The following RBFOX1 variants were observed in gnomAD, a reference collection of about 807,000 sequenced individuals.
The protein encoded by RBFOX1 is RNA binding fox-1 homolog 1.
In RBFOX1, 8 loss-of-function variants were observed where a neutral mutation model predicts 57.7. That is an observed-to-expected ratio of 0.14 (90% CI 0.08 to 0.25). RBFOX1 has a LOEUF of 0.25. Among genes scored for constraint, RBFOX1 ranks in the 10% least tolerant of loss-of-function variants. The pLI is 1.00. For synonymous variants in RBFOX1, 326 were observed against 222.4 expected (o/e 1.47, Z -4.15); for missense variants, 611 against 548.5 (o/e 1.11, Z -1.14).
chr16:6,231,348 A>C (rs2097458757), intron 1 of RBFOX1, among the ~76,000 whole-genome samples: 1 of 151,898 alleles, frequency 6.6e-6, no homozygotes, highest in African/African-American at 2.4e-5. Flanking sequence ...TCCGTGTTTA[A>C]ATTCAGTGAT....
chr16:7,307,403 G>C (rs1404498739), intron 4 of RBFOX1, among the ~76,000 whole-genome samples: 1 of 152,164 alleles, frequency 6.6e-6, no homozygotes, highest in Non-Finnish European at 1.5e-5. Context: ...CTCAGCATCG[G>C]AGTCTACTCT....
intron 4 of RBFOX1, among the ~76,000 whole-genome samples, chr16:7,339,238 A>G (rs1158091602): frequency 4.6e-5 from 7 of 152,188 alleles, no homozygotes; most frequent in Non-Finnish European, 1.0e-4. Context: ...AGTGTGATTC[A>G]TCATGTGTTT....
chr16:5,314,829 G>GAA lies in RBFOX1; in HGVS notation c.219+74738_219+74739dup, dbSNP rs35632580. On this transcript the variant is annotated intron_variant, in intron 1 of 2. Transcript: ENST00000585867. The stretch of plus-strand genomic sequence containing the variant: ...TTTCTTTTAAAACCAGAAGATATTG[G>GAA]AAAAAAAAAAAAAAAGAACTTTCAG... 7.0e-3 allele frequency among the ~76,000 whole-genome samples: 979 copies of GAA among 139,382 alleles called. 7 individuals are homozygous for GAA. Among genetic ancestry groups the GAA allele is most frequent in the African/African-American group, 0.022 (801 of 36,344 alleles). 91.4% of individuals were successfully genotyped at this position (139,382 alleles called of 152,430 possible).
At chr16:5,914,331 G>A (rs2058663912) in intron 4 of RBFOX1, among the ~76,000 whole-genome samples, 1 of 152,218 alleles carries the variant, frequency 6.6e-6, no homozygotes, top group Non-Finnish European at 1.5e-5. Context: ...TTAGGAAGTA[G>A]CTTGGCTGGG....
At chr16:6,639,048 C>G (rs895920733) in intron 2 of RBFOX1, among the ~76,000 whole-genome samples, 7 of 152,196 alleles carry the variant, frequency 4.6e-5, no homozygotes, top group East Asian at 1.9e-4. Flanking sequence ...CCCCACCCAG[C>G]CACCTACAAA....
intron 4 of RBFOX1, among the ~76,000 whole-genome samples, chr16:7,212,138 C>T (rs971076498): frequency 1.3e-5 from 2 of 152,150 alleles, no homozygotes; most frequent in Non-Finnish European, 2.9e-5. Context: ...GGATAGGATT[C>T]ATTGGCATGA....
chr16:7,418,080 C>G (rs967652306), intron 4 of RBFOX1, among the ~76,000 whole-genome samples: 10 of 152,156 alleles, frequency 6.6e-5, no homozygotes, highest in Admixed American at 6.5e-4. Context: ...CCCTGTCACT[C>G]TCTGCCCAAC....
chr16:6,767,238 G>T (rs61175573), intron 3 of RBFOX1, among the ~76,000 whole-genome samples: 2,827 of 152,056 alleles, frequency 0.019, 86 homozygotes, highest in African/African-American at 0.064. Flanking sequence ...ACAGGGACTG[G>T]CTCCTAGATG....
At chr16:5,451,094 G>A (rs1474235953) in intron 1 of RBFOX1, among the ~76,000 whole-genome samples, 3 of 152,158 alleles carry the variant, frequency 2.0e-5, no homozygotes, top group Non-Finnish European at 4.4e-5. Flanking sequence ...AATATCCAAC[G>A]GATTGAGTCC....
chr16:7,562,734 G>C (rs188566940), intron 5 of RBFOX1, among the ~76,000 whole-genome samples: 41 of 150,500 alleles, frequency 2.7e-4, no homozygotes, highest in African/African-American at 1.0e-3. Flanking sequence ...TTCCCCAGTG[G>C]GGGAAGGAGG....
chr16:7,653,919 C>A lies in RBFOX1; in HGVS notation c.862C>A (p.Pro288Thr). Residue 288 changes from proline (P) to threonine (T), a missense_variant, in exon 12 of 16, where the codon CCC (proline) becomes ACC (threonine). Pro to Thr is a conservative substitution (Grantham distance 38). Around this residue, in one of 3 missense-constraint regions of RBFOX1, gnomAD observed 267 missense variants for 229.1 expected, o/e 1.17. Transcript: ENST00000550418. ...GTACAACACCTTCAGGGCCGCGGCG[C>A]CCCCGCCCCCGATCCCGGCCTACGG... The part of the protein sequence containing the change: ...TVYNTFRAAA[P>T]PPPIPAYGGV... The A allele has an allele frequency of 6.4e-7, 1 of 1,563,174 alleles. No homozygotes were observed. The highest frequency in any genetic ancestry group is 8.6e-7 in the Non-Finnish European group (1 of 1,161,298).
At chr16:5,865,902 G>C (rs1259020309) in intron 3 of RBFOX1, among the ~76,000 whole-genome samples, 1 of 151,130 alleles carries the variant, frequency 6.6e-6, no homozygotes, top group Admixed American at 6.6e-5. Context: ...TGTGCAGGAG[G>C]AGAGAGAGAG....
rs542615638 is a variant in RBFOX1 at position 7,618,397 on chromosome 16, C to T, written c.676+11059C>T. ...ACTTAGGAGCAGATTATCAACTGTTCAGCAACCCTGCAGATTGGGTTCTTA... is the reference window on the plus strand; with the variant it reads ...ACTTAGGAGCAGATTATCAACTGTTTAGCAACCCTGCAGATTGGGTTCTTA... On this transcript the variant is annotated intron_variant, in intron 10 of 15. Coordinates refer to ENST00000550418, the MANE Select transcript of RBFOX1 (RefSeq NM_018723.4). Among the ~76,000 whole-genome samples the T allele has an allele frequency of 1.1e-4, 17 of 152,238 alleles. No homozygotes were observed. The South Asian group carries it at 2.9e-3, about 26-fold the overall frequency.
At chr16:7,384,748 T>C (rs928027034) in intron 4 of RBFOX1, among the ~76,000 whole-genome samples, 9 of 152,194 alleles carry the variant, frequency 5.9e-5, no homozygotes, top group Non-Finnish European at 1.2e-4. Context: ...TCTCATTCAC[T>C]CAACAAATAT....
chr16:5,878,291 C>A (rs374005498), intron 4 of RBFOX1, among the ~76,000 whole-genome samples: 1 of 152,140 alleles, frequency 6.6e-6, no homozygotes, highest in Non-Finnish European at 1.5e-5. Context: ...TATTAATGCT[C>A]ACTGTATGCT....
chr16:6,731,396 C>G (rs1210487378), intron 3 of RBFOX1, among the ~76,000 whole-genome samples: 1 of 152,080 alleles, frequency 6.6e-6, no homozygotes, highest in East Asian at 1.9e-4. Context: ...GATCAGTGAC[C>G]TCACATCTCA....
chr16:7,419,035 G>C (rs941467305), intron 4 of RBFOX1, among the ~76,000 whole-genome samples: 2 of 152,154 alleles, frequency 1.3e-5, no homozygotes, highest in Non-Finnish European at 2.9e-5. Flanking sequence ...CCCTGGAGTA[G>C]CTGGGACTAC....
intron 3 of RBFOX1, among the ~76,000 whole-genome samples, chr16:7,042,934 A>G (rs2046656341): frequency 6.6e-6 from 1 of 152,224 alleles, no homozygotes; most frequent in South Asian, 2.1e-4. Flanking sequence ...TCAAAAATAA[A>G]TAAATAAATA....
At chr16:5,851,762 G>T (rs961192264) in intron 3 of RBFOX1, among the ~76,000 whole-genome samples, 8 of 152,188 alleles carry the variant, frequency 5.3e-5, no homozygotes, top group Non-Finnish European at 7.3e-5. Context: ...GTTCATGTCC[G>T]TTCAAAGGTG....
Sources: gnomAD v4.1 joint callset for allele counts (sites outside exome capture counted in the v4.1 genomes callset) on GRCh38, gnomAD v4.1.1 for gene constraint, gnomAD v4.1.1 regional missense constraint, MANE v1.5 for transcripts, NCBI Gene and HGNC (gene_info 2026-07-23, HGNC 2026-07-21) for gene names.